The following FGF12 variants were observed in gnomAD, a reference collection of about 807,000 sequenced individuals.
The protein encoded by FGF12 is fibroblast growth factor 12B.
In FGF12, 14 loss-of-function variants were observed where a neutral mutation model predicts 23.6. That is an observed-to-expected ratio of 0.59 (90% CI 0.39 to 0.93). FGF12 has a LOEUF of 0.93. Ranked by LOEUF, FGF12 falls within the 40% of genes least tolerant of loss-of-function variation. The pLI, the probability that FGF12 is intolerant of heterozygous loss-of-function variation, is 0.00. For synonymous variants in FGF12, 62 were observed against 77.3 expected (o/e 0.80, Z 1.04); for missense variants, 175 against 217.8 (o/e 0.80, Z 1.24).
chr3:192,344,736 C>T (rs1185571610), intron 3 of FGF12, among the ~76,000 whole-genome samples: 1 of 152,076 alleles, frequency 6.6e-6, no homozygotes, highest in African/African-American at 2.4e-5. Context: ...TGGTAAAAGT[C>T]CTGTCATTGA....
chr3:192,448,047 T>C (rs1384998682), intron 2 of FGF12, among the ~76,000 whole-genome samples: 1 of 152,222 alleles, frequency 6.6e-6, no homozygotes, highest in Non-Finnish European at 1.5e-5. Context: ...AAGTAGTTTA[T>C]TCATTTTCAT....
intron 2 of FGF12, among the ~76,000 whole-genome samples, chr3:192,604,464 T>C (rs1247890888): frequency 6.6e-6 from 1 of 152,192 alleles, no homozygotes; most frequent in Non-Finnish European, 1.5e-5. Context: ...CCGTTCAGGG[T>C]CCCTGACTTC....
At chr3:192,615,327 T>C (rs532644009) in intron 2 of FGF12, among the ~76,000 whole-genome samples, 1 of 152,178 alleles carries the variant, frequency 6.6e-6, no homozygotes, top group Admixed American at 6.6e-5. Context: ...CCCTTCTCTA[T>C]AATTATAGAA....
Position 192,336,775 on chromosome 3 carries a change from A to G in FGF12, c.125-1311T>C, listed in dbSNP as rs552035320. ...TTTTCTCGGCTTCTCTCAACCTACA[A>G]TAGTAAGCTAAACACACACACATGC... On this transcript the variant is annotated intron_variant, in intron 3 of 5. Transcript: ENST00000445105. The surrounding 1 kb of genome is among the most constrained non-coding windows in gnomAD (Gnocchi z 4.3). 1.3e-5 allele frequency among the ~76,000 whole-genome samples: 2 copies of G among 152,216 alleles called. No individual in the cohort carries two copies. Among genetic ancestry groups the G allele is most frequent in the South Asian group, 2.1e-4 (1 of 4,818 alleles).
chr3:192,168,891 A>ATGTT (rs1396073149), intron 5 of FGF12, among the ~76,000 whole-genome samples: 1 of 152,222 alleles, frequency 6.6e-6, no homozygotes, highest in Non-Finnish European at 1.5e-5. Flanking sequence ...AGCTGACCGA[A>ATGTT]TGTTTAGTTC....
intron 4 of FGF12, among the ~76,000 whole-genome samples, chr3:192,213,916 C>G (rs1718060312): frequency 6.6e-6 from 1 of 152,228 alleles, no homozygotes; most frequent in Non-Finnish European, 1.5e-5. Context: ...TGTGAGTGAG[C>G]TCTGATTCCA....
intron 2 of FGF12, among the ~76,000 whole-genome samples, chr3:192,372,391 TCACACACACACACA>T (rs58664869): frequency 6.7e-6 from 1 of 148,986 alleles, no homozygotes; most frequent in African/African-American, 2.4e-5. Flanking sequence ...TTTCATACCA[TCACACACACACACA>T]CACACACACA....
chr3:192,593,453 G>T, intron 2 of FGF12, among the ~76,000 whole-genome samples: 1 of 151,804 alleles, frequency 6.6e-6, no homozygotes, highest in East Asian at 1.9e-4. Flanking sequence ...GCTGATATAT[G>T]CTCATTTCCA....
At chr3:192,148,780 G>C (rs181086378) in intron 5 of FGF12, among the ~76,000 whole-genome samples, 1 of 152,270 alleles carries the variant, frequency 6.6e-6, no homozygotes, top group Admixed American at 6.5e-5. Flanking sequence ...TATTAAGGAA[G>C]AGGGAGTTGA....
chr3:192,306,629 C>T (rs1715665681), intron 4 of FGF12, among the ~76,000 whole-genome samples: 1 of 152,180 alleles, frequency 6.6e-6, no homozygotes, highest in African/African-American at 2.4e-5. Context: ...TAGTTCTCAA[C>T]CCTGTATTGC....
chr3:192,490,799 T>C (rs969355925), intron 2 of FGF12, among the ~76,000 whole-genome samples: 1 of 152,124 alleles, frequency 6.6e-6, no homozygotes, highest in Non-Finnish European at 1.5e-5. Flanking sequence ...GAAGATGTAC[T>C]GTATTATTTC....
intron 2 of FGF12, among the ~76,000 whole-genome samples, chr3:192,467,637 CTGTT>C (rs767909627): frequency 7.2e-5 from 11 of 152,312 alleles, no homozygotes; most frequent in Non-Finnish European, 1.5e-4. Flanking sequence ...AGGAAGGTCT[CTGTT>C]TGTCTTTTAA....
chr3:192,270,306 C>T (rs1390544254), intron 4 of FGF12, among the ~76,000 whole-genome samples: 1 of 152,148 alleles, frequency 6.6e-6, no homozygotes, highest in Non-Finnish European at 1.5e-5. Flanking sequence ...TAATTTCCTG[C>T]ACCTTAGTTG....
chr3:192,318,135 T>C (rs976348131), intron 4 of FGF12, among the ~76,000 whole-genome samples: 3 of 151,948 alleles, frequency 2.0e-5, no homozygotes, highest in Admixed American at 6.6e-5. Flanking sequence ...GGAGGACAGG[T>C]AAAACAAGCT....
At chr3:192,623,670 T>C (rs1412426607) in intron 2 of FGF12, among the ~76,000 whole-genome samples, 1 of 152,170 alleles carries the variant, frequency 6.6e-6, no homozygotes, top group Non-Finnish European at 1.5e-5. Flanking sequence ...GCTGTCCTCC[T>C]TAGGTGTAAA....
intron 4 of FGF12, among the ~76,000 whole-genome samples, chr3:192,328,087 C>T (rs74833154): frequency 6.6e-5 from 10 of 152,166 alleles, no homozygotes; most frequent in South Asian, 2.1e-4. Flanking sequence ...AGAAAATAGA[C>T]GGTAGTCAGA....
rs577380354 is a variant in FGF12, at chr3:192,206,854, C to T, written c.229-36198G>A. Among the ~76,000 whole-genome samples, 426 of 151,206 alleles carry T rather than the reference C, an allele frequency of 2.8e-3. 5 individuals are homozygous for T. The highest frequency in any genetic ancestry group is 4.6e-3 in the Non-Finnish European group (312 of 67,860). On this transcript the variant is annotated intron_variant, in intron 4 of 5. Transcript: ENST00000445105. Reference sequence around the variant, plus strand: ...TAAAGCACTGCCCTGACTCTCAACCCTCCTGGAGGGCCCCCTGGAAGCTGC... The same window carrying T: ...TAAAGCACTGCCCTGACTCTCAACCTTCCTGGAGGGCCCCCTGGAAGCTGC...
intron 2 of FGF12, among the ~76,000 whole-genome samples, chr3:192,563,856 C>A (rs1209889067): frequency 6.6e-6 from 1 of 152,106 alleles, no homozygotes; most frequent in Admixed American, 6.5e-5. Context: ...ATATCATAGA[C>A]TTCTTATGAG....
At chr3:192,598,519 A>C (rs1341531542) in intron 2 of FGF12, among the ~76,000 whole-genome samples, 1 of 152,176 alleles carries the variant, frequency 6.6e-6, no homozygotes, top group Non-Finnish European at 1.5e-5. Context: ...AGTCAAGGAC[A>C]TGGGAGTTTT....
Sources: gnomAD v4.1 joint callset for allele counts (sites outside exome capture counted in the v4.1 genomes callset) on GRCh38, gnomAD v4.1.1 for gene constraint, Gnocchi (gnomAD v3.1) non-coding constraint, MANE v1.5 for transcripts, NCBI Gene and HGNC (gene_info 2026-07-23, HGNC 2026-07-21) for gene names.